The following GOLM2 variants were observed in gnomAD, a reference collection of about 807,000 sequenced individuals.
GOLM2 encodes the protein protein GOLM2.
Under a neutral mutation model 55.9 loss-of-function variants are expected in GOLM2, and 26 were observed. That is an observed-to-expected ratio of 0.47 (90% CI 0.34 to 0.65). The LOEUF (loss-of-function observed/expected upper bound fraction) is 0.65, where lower values mean the gene tolerates loss of function less well. Among genes scored for constraint, GOLM2 ranks in the 30% least tolerant of loss-of-function variants. GOLM2 has a pLI of 0.01. For missense variants in GOLM2, 486 were observed against 531.8 expected (o/e 0.91, Z 0.85); for synonymous variants, 165 against 194.6 (o/e 0.85, Z 1.27).
intron 8 of GOLM2, among the ~76,000 whole-genome samples, chr15:44,391,648 A>G (rs2079490960): frequency 6.6e-6 from 1 of 152,192 alleles, no homozygotes; most frequent in Admixed American, 6.5e-5. Context: ...TAAAGGACAC[A>G]TGATAAGAGG....
intron 6 of GOLM2, 53 bp from the exon 7 acceptor site, chr15:44,379,637 T>TTTTTAA: frequency 1.4e-6 from 1 of 736,322 alleles, no homozygotes; most frequent in Admixed American, 2.6e-5. Flanking sequence ...TTTTTTTTTT[T>TTTTTAA]TAGAAATCAT....
intron 6 of GOLM2, among the ~76,000 whole-genome samples, chr15:44,363,346 A>G (rs1455726922): frequency 6.6e-6 from 1 of 152,176 alleles, no homozygotes; most frequent in Non-Finnish European, 1.5e-5. Context: ...CAAATTTACA[A>G]GAAAAAAACA....
At chr15:44,393,548 T>C (rs2079505306) in intron 8 of GOLM2, among the ~76,000 whole-genome samples, 1 of 152,178 alleles carries the variant, frequency 6.6e-6, no homozygotes, top group Admixed American at 6.6e-5. Context: ...GCCAAGACAA[T>C]TTATAAAAGG....
At chr15:44,398,942 A>AAAT (rs2079545504) in intron 8 of GOLM2, among the ~76,000 whole-genome samples, 1 of 152,100 alleles carries the variant, frequency 6.6e-6, no homozygotes. Flanking sequence ...TTCTGGGATT[A>AAAT]CAGGCGTGAG....
At chr15:44,361,822 G>A (rs993507037) in intron 6 of GOLM2, among the ~76,000 whole-genome samples, 1 of 152,142 alleles carries the variant, frequency 6.6e-6, no homozygotes, top group African/African-American at 2.4e-5. Flanking sequence ...GAATCCAGCA[G>A]CACATCAAAA....
chr15:44,340,200 C>CCTCCCACTTCAGA (rs372286320), intron 6 of GOLM2, among the ~76,000 whole-genome samples: 7,809 of 151,990 alleles, frequency 0.051, 320 homozygotes, highest in East Asian at 0.19. Flanking sequence ...CTTACGTGAT[C>CCTCCCACTTCAGA]CTCCCAAAGT....
chr15:44,352,862 C>T (rs566506580), intron 6 of GOLM2, among the ~76,000 whole-genome samples: 110 of 150,508 alleles, frequency 7.3e-4, no homozygotes, highest in African/African-American at 1.7e-3. Context: ...GCCCAGATCG[C>T]GCCATTTTAG....
At position 44,328,800 on chromosome 15, in the gene GOLM2, A is replaced by G. The variant is rs1173239561; in HGVS notation, c.485+13A>G. 6.7e-7 allele frequency: 1 copy of G among 1,492,504 alleles called. No individual in the cohort carries two copies. Among genetic ancestry groups the G allele is most frequent in the Admixed American group, 1.9e-5 (1 of 51,902 alleles). The allele number at this position is 1,492,504 out of a possible 1,614,324, so 92.5% of individuals were successfully genotyped here. ...TAGAATATGAAAGGTAAGATGTTACATGCAACATATGTTTATGAATCTAAA... is the reference window on the plus strand; with the variant it reads ...TAGAATATGAAAGGTAAGATGTTACGTGCAACATATGTTTATGAATCTAAA... On this transcript the variant is annotated intron_variant, in intron 3 of 9. Transcript: ENST00000299957.
At chr15:44,336,909 C>T (rs1205482104) in intron 4 of GOLM2, among the ~76,000 whole-genome samples, 1 of 152,068 alleles carries the variant, frequency 6.6e-6, no homozygotes, top group Non-Finnish European at 1.5e-5. Context: ...AAGCAAGACT[C>T]CGTCTCAGAA....
At chr15:44,339,448 C>A (rs1161031951) in intron 6 of GOLM2, among the ~76,000 whole-genome samples, 1 of 151,830 alleles carries the variant, frequency 6.6e-6, no homozygotes, top group Non-Finnish European at 1.5e-5. Context: ...AAGCATTTCT[C>A]CTGCCTCATC....
Position 44,289,706 on chromosome 15 carries a change from G to A in GOLM2, c.327+350G>A, listed in dbSNP as rs888001078. On this transcript the variant is annotated intron_variant, in intron 1 of 9. Transcript: ENST00000299957. This position sits in a 1 kb window ranked among gnomAD's most constrained non-coding sequence, Gnocchi z 4.8. ...ACAAATCTGGCGACTGCCAGGTTTG[G>A]TGTGGTTATTGTCTCATTTTTATTC... Among the ~76,000 whole-genome samples, 1 of 152,146 alleles carries A rather than the reference G, an allele frequency of 6.6e-6. No individual in the cohort carries two copies. Among genetic ancestry groups the A allele is most frequent in the Admixed American group, 6.5e-5 (1 of 15,278 alleles).
intron 2 of GOLM2, 138 bp downstream of exon 2, chr15:44,323,157 T>C (rs2141131323): frequency 1.9e-6 from 1 of 534,904 alleles, no homozygotes; most frequent in African/African-American, 2.0e-5. Flanking sequence ...ACATTTATCC[T>C]TTTGCCTTAA....
At chr15:44,328,891 CTT>C (rs2079002916) in intron 3 of GOLM2, 104 bp downstream of exon 3, 1 of 688,104 alleles carries the variant, frequency 1.5e-6, no homozygotes, top group African/African-American at 1.9e-5. Context: ...CTTTTTTTCT[CTT>C]CTTTCATTTT....
intron 6 of GOLM2, chr15:44,354,601 A>C (rs1442887788): frequency 6.6e-6 from 1 of 152,268 alleles, no homozygotes; most frequent in East Asian, 1.9e-4. Context: ...TCAATAGAGA[A>C]AGATAGGCTC....
intron 8 of GOLM2, among the ~76,000 whole-genome samples, chr15:44,394,691 G>A (rs74735108): frequency 0.05 from 7,544 of 152,186 alleles, 304 homozygotes; most frequent in East Asian, 0.2. Flanking sequence ...GTTACAGTTT[G>A]TACACCCCAA....
intron 1 of GOLM2, among the ~76,000 whole-genome samples, chr15:44,298,991 A>G (rs1381182051): frequency 6.6e-6 from 1 of 152,320 alleles, no homozygotes; most frequent in Admixed American, 6.5e-5. Context: ...ACACAGACAC[A>G]TTGCAGAGAC....
intron 1 of GOLM2, among the ~76,000 whole-genome samples, chr15:44,302,740 C>G (rs1249362095): frequency 6.6e-6 from 1 of 152,078 alleles, no homozygotes; most frequent in African/African-American, 2.4e-5. Context: ...ATCTGCCGGC[C>G]TTGGCCTCCC....
chr15:44,298,684 C>T (rs112264394), intron 1 of GOLM2, among the ~76,000 whole-genome samples: 11 of 152,162 alleles, frequency 7.2e-5, no homozygotes, highest in Admixed American at 2.0e-4. Flanking sequence ...GTTTTCTCAA[C>T]GAAATTTTAA....
chr15:44,391,702 T>C (rs928968905), intron 8 of GOLM2, among the ~76,000 whole-genome samples: 13 of 152,072 alleles, frequency 8.5e-5, no homozygotes, highest in African/African-American at 2.7e-4. Flanking sequence ...TTAGATGAAA[T>C]GGCCAATGTC....
Sources: allele counts gnomAD v4.1 joint callset (sites outside exome capture counted in the v4.1 genomes callset), GRCh38; gene constraint gnomAD v4.1.1; non-coding constraint Gnocchi (gnomAD v3.1); transcripts MANE v1.5; gene names NCBI Gene and HGNC (gene_info 2026-07-23, HGNC 2026-07-21).